SNPH: variants seen among roughly 807,000 people sequenced by gnomAD.
SNPH encodes syntaphilin.
SNPH carries 10 observed loss-of-function variants against 36.8 expected under a neutral mutation model. The observed-to-expected ratio is 0.27, with a 90% confidence interval of 0.17 to 0.46. The LOEUF (loss-of-function observed/expected upper bound fraction) is 0.46. SNPH is among the 20% of genes least tolerant of loss of function. The pLI is 1.00. For missense variants in SNPH, 622 were observed against 744.0 expected (o/e 0.84, Z 1.91); for synonymous variants, 281 against 312.2 (o/e 0.90, Z 1.05).
chr20:1,268,827 T>C (rs2088039326), intron 2 of SNPH, among the ~76,000 whole-genome samples: 1 of 152,208 alleles, frequency 6.6e-6, no homozygotes. Context: ...GTGTAGGACA[T>C]CGTCCAGGTT....
At chr20:1,277,210 C>G (rs1157869554) in intron 2 of SNPH, among the ~76,000 whole-genome samples, 1 of 152,134 alleles carries the variant, frequency 6.6e-6, no homozygotes, top group Non-Finnish European at 1.5e-5. Context: ...CTCTGAACCC[C>G]CGTACCCAGC....
intron 2 of SNPH, among the ~76,000 whole-genome samples, chr20:1,274,634 A>G (rs78650050): frequency 0.061 from 9,244 of 152,268 alleles, 383 homozygotes; most frequent in South Asian, 0.1. Context: ...CCGGAGGAAG[A>G]GGAGGAACTA....
intron 2 of SNPH, among the ~76,000 whole-genome samples, chr20:1,293,554 A>C: frequency 6.6e-6 from 1 of 152,050 alleles, no homozygotes; most frequent in African/African-American, 2.4e-5. Context: ...GGGAGGGAGG[A>C]CCTGAGAGAG....
At chr20:1,273,566 T>C (rs2088096547) in intron 2 of SNPH, among the ~76,000 whole-genome samples, 1 of 152,196 alleles carries the variant, frequency 6.6e-6, no homozygotes, top group South Asian at 2.1e-4. Flanking sequence ...GCACAGGGCC[T>C]GACACATAGA....
chr20:1,282,493 C>T (rs1453622590), intron 2 of SNPH, among the ~76,000 whole-genome samples: 1 of 152,130 alleles, frequency 6.6e-6, no homozygotes, highest in Non-Finnish European at 1.5e-5. Flanking sequence ...CATAACAACC[C>T]CTTGCCCCCT....
chr20:1,287,997 C>T (rs934948812), intron 2 of SNPH, among the ~76,000 whole-genome samples: 13 of 152,194 alleles, frequency 8.5e-5, no homozygotes, highest in South Asian at 4.1e-4. Context: ...GAGGGGCAGC[C>T]GTGGAGCAGC....
Position 1,297,198 on chromosome 20 carries a change from G to A in SNPH, c.236G>A (p.Ser79Asn). 2 of 1,612,320 alleles carry A rather than the reference G, an allele frequency of 1.2e-6. No homozygotes were observed. Among genetic ancestry groups the A allele is most frequent in the Non-Finnish European group, 1.7e-6 (2 of 1,179,062 alleles). Residue 79 changes from serine to asparagine, a missense_variant, in exon 5 of 7, where the codon AGC becomes AAC. Physicochemically the swap from Ser to Asn is conservative, Grantham distance 46 (BLOSUM62 1). Around this residue, in one of 3 missense-constraint regions of SNPH, gnomAD observed 187 missense variants for 209.4 expected, o/e 0.89. Coordinates refer to ENST00000381867, the MANE Select transcript of SNPH (RefSeq NM_001318234.2). ...GATGCCTACGGCACCTCTTCGCTCA[G>A]CAGCAGCAGCAATTCTGGCTCCTAC... Reference protein sequence around the residue: ...VRDAYGTSSLSSSSNSGSYKG... With the variant: ...VRDAYGTSSLNSSSNSGSYKG...
chr20:1,298,851 TA>T lies in SNPH; in HGVS notation c.290+1600del, dbSNP rs886261342. Reference sequence around the variant, plus strand: ...GTGTGTGTGTGTGTGTGTGTATACATATTTTTTTTTTTACAAAGAGCTAGTG... The same window carrying T: ...GTGTGTGTGTGTGTGTGTGTATACATTTTTTTTTTTTACAAAGAGCTAGTG... On this transcript the variant is annotated intron_variant, in intron 5 of 6. Coordinates refer to ENST00000381867, the MANE Select transcript of SNPH (RefSeq NM_001318234.2). Among the ~76,000 whole-genome samples the T allele has an allele frequency of 5.6e-5, 8 of 144,052 alleles. No homozygotes were observed. In the East Asian group the frequency reaches 1.2e-3, roughly 21 times the overall value. The allele number at this position is 144,052 out of a possible 152,430, so 94.5% of individuals were successfully genotyped here.
intron 2 of SNPH, among the ~76,000 whole-genome samples, chr20:1,280,477 G>A (rs2088203635): frequency 6.6e-6 from 1 of 152,234 alleles, no homozygotes; most frequent in African/African-American, 2.4e-5. Flanking sequence ...AAGATGAATT[G>A]CAAAGGAGGT....
chr20:1,300,189 T>G (rs2088487873), intron 5 of SNPH, among the ~76,000 whole-genome samples: 1 of 152,214 alleles, frequency 6.6e-6, no homozygotes, highest in Non-Finnish European at 1.5e-5. Flanking sequence ...CTAACCTCTC[T>G]GAGGCCAGCG....
chr20:1,280,615 G>T (rs1336750227), intron 2 of SNPH, among the ~76,000 whole-genome samples: 1 of 152,164 alleles, frequency 6.6e-6, no homozygotes, highest in African/African-American at 2.4e-5. Context: ...GTATGCCTTA[G>T]GTCTGAGTCA....
chr20:1,267,966 C>T (rs2088028300), intron 2 of SNPH, among the ~76,000 whole-genome samples: 1 of 152,190 alleles, frequency 6.6e-6, no homozygotes, highest in Admixed American at 6.5e-5. Flanking sequence ...AGTGCCTGTG[C>T]CTGGCACATA....
In SNPH at chr20:1,305,928, C is replaced by T. The variant is rs767019398; in HGVS notation, c.1491C>T (p.Pro497=). Residue 497 remains proline, a synonymous_variant, in exon 7 of 7, where the codon CCC becomes CCT. Transcript: ENST00000381867. ...GCTCCCAGCGGCGCCAGGGCCAGCC[C>T]ATCTACAACATCAGCTCCCTGCTGC... ...LCRSQRRQGQ[P]IYNISSLLRG... 2.8e-5 allele frequency: 45 copies of T among 1,591,456 alleles called. No homozygotes were observed. The highest frequency in any genetic ancestry group is 3.3e-4 in the Middle Eastern group (2 of 6,014).
intron 2 of SNPH, among the ~76,000 whole-genome samples, chr20:1,290,057 C>T (rs1298728847): frequency 6.6e-6 from 1 of 151,756 alleles, no homozygotes; most frequent in Non-Finnish European, 1.5e-5. Context: ...CTAAAATATA[C>T]AAAAATTAGC....
Position 1,305,522 on chromosome 20 carries a change from T to C in SNPH, c.1085T>C (p.Phe362Ser), listed in dbSNP as rs376282382. 3.7e-6 allele frequency: 6 copies of C among 1,613,088 alleles called. No homozygotes were observed. Among genetic ancestry groups the C allele is most frequent in the Non-Finnish European group, 5.1e-6 (6 of 1,179,952 alleles). The change falls in exon 7 of 7, where the codon TTC becomes TCC. Residue 362 changes from phenylalanine (F) to serine (S), a missense_variant. By Grantham distance (155) the Phe-to-Ser change is radical. Transcript: ENST00000381867. ...CAGGAGCGTGCCATCCAGACAGACT[T>C]CGTGCAGTACCAGCCTGACCTTGAC... ...CMQERAIQTDFVQYQPDLDTI... is the reference protein window; with the variant it reads ...CMQERAIQTDSVQYQPDLDTI...
intron 2 of SNPH, among the ~76,000 whole-genome samples, chr20:1,273,627 C>A (rs905616913): frequency 1.8e-4 from 27 of 152,136 alleles, no homozygotes; most frequent in African/African-American, 6.3e-4. Context: ...GTATGAGGTG[C>A]TAGCCCTCAT....
intron 2 of SNPH, among the ~76,000 whole-genome samples, chr20:1,281,128 G>A (rs967073130): frequency 3.9e-5 from 6 of 152,150 alleles, no homozygotes; most frequent in South Asian, 4.1e-4. Context: ...AGGCCTGGGC[G>A]TCATCACAAT....
At position 1,304,814 on chromosome 20, in the gene SNPH, C is replaced by A; in HGVS notation, c.441-64C>A. 1 of 1,506,068 alleles carries A rather than the reference C, an allele frequency of 6.6e-7. No individual in the cohort carries two copies. Among genetic ancestry groups the A allele is most frequent in the Non-Finnish European group, 9.1e-7 (1 of 1,097,552 alleles). The allele number at this position is 1,506,068 out of a possible 1,614,324, so 93.3% of individuals were successfully genotyped here. On this transcript the variant is annotated intron_variant, in intron 6 of 6. Coordinates refer to ENST00000381867, the MANE Select transcript of SNPH (RefSeq NM_001318234.2). The surrounding 1 kb of genome is among the most constrained non-coding windows in gnomAD (Gnocchi z 4.3). ...TGGCAACAGTGTCCTCTCCCTGCCT[C>A]TCCTTGGCGGTGACAGACCAGGCAG...
intron 2 of SNPH, among the ~76,000 whole-genome samples, chr20:1,282,305 A>T (rs1052987072): frequency 2.0e-5 from 3 of 152,252 alleles, no homozygotes; most frequent in African/African-American, 7.2e-5. Flanking sequence ...TTTGATAGAA[A>T]GTCTAAATGT....
Sources: gnomAD v4.1 joint callset for allele counts (sites outside exome capture counted in the v4.1 genomes callset) on GRCh38, gnomAD v4.1.1 for gene constraint, gnomAD v4.1.1 regional missense constraint, Gnocchi (gnomAD v3.1) non-coding constraint, MANE v1.5 for transcripts, NCBI Gene and HGNC (gene_info 2026-07-23, HGNC 2026-07-21) for gene names.